KIAA1217: variants seen among roughly 807,000 people sequenced by gnomAD.
KIAA1217 encodes KIAA1217.
A neutral mutation model predicts 163.9 loss-of-function variants in KIAA1217; 88 were observed. The observed-to-expected ratio is 0.54, with a 90% CI of 0.45 to 0.64. The LOEUF is 0.64. Among genes scored for constraint, KIAA1217 ranks in the 30% least tolerant of loss-of-function variants. KIAA1217 has a pLI of 0.00. For synonymous variants in KIAA1217, 903 were observed against 923.1 expected (o/e 0.98, Z 0.39); for missense variants, 2,372 against 2,475.0 (o/e 0.96, Z 0.88).
At chr10:23,856,616 G>C (rs191807923) in intron 1 of KIAA1217, among the ~76,000 whole-genome samples, 16 of 152,256 alleles carry the variant, frequency 1.1e-4, no homozygotes, top group African/African-American at 3.9e-4. Flanking sequence ...CCCAGAGGTG[G>C]AGCCTACAGA....
At chr10:23,870,262 G>C (rs144573762) in intron 1 of KIAA1217, among the ~76,000 whole-genome samples, 12 of 152,190 alleles carry the variant, frequency 7.9e-5, no homozygotes, top group African/African-American at 2.9e-4. Context: ...TATATCCAGA[G>C]GTGGAAATGT....
At chr10:24,275,077 A>G (rs2077136926) in intron 2 of KIAA1217, among the ~76,000 whole-genome samples, 1 of 152,166 alleles carries the variant, frequency 6.6e-6, no homozygotes, top group Non-Finnish European at 1.5e-5. Flanking sequence ...ATCTGGGACT[A>G]CAGGCACACG....
intron 2 of KIAA1217, among the ~76,000 whole-genome samples, chr10:24,121,737 G>A (rs997689172): frequency 6.6e-6 from 1 of 152,124 alleles, no homozygotes; most frequent in Non-Finnish European, 1.5e-5. Flanking sequence ...TGAACAAGTG[G>A]ATAAAGAAAT....
intron 1 of KIAA1217, among the ~76,000 whole-genome samples, chr10:23,745,118 G>A (rs1443447580): frequency 1.3e-5 from 2 of 152,170 alleles, no homozygotes; most frequent in Non-Finnish European, 2.9e-5. Flanking sequence ...AAAGACTGAC[G>A]CAGGAGGGGA....
chr10:24,496,995 G>A (rs533696383), intron 8 of KIAA1217, among the ~76,000 whole-genome samples: 83 of 152,292 alleles, frequency 5.5e-4, no homozygotes, highest in African/African-American at 1.9e-3. Context: ...ATGAGCACGT[G>A]GACTCACTCC....
chr10:24,535,567 C>T (rs912756802), intron 16 of KIAA1217, among the ~76,000 whole-genome samples: 4 of 152,112 alleles, frequency 2.6e-5, no homozygotes, highest in African/African-American at 9.7e-5. Context: ...TTGAGGTCAG[C>T]AGTTTGAGAC....
intron 1 of KIAA1217, among the ~76,000 whole-genome samples, chr10:23,736,943 A>C (rs7898966): frequency 0.22 from 33,215 of 152,128 alleles, 3,868 homozygotes; most frequent in Middle Eastern, 0.29. Flanking sequence ...GCTTGCCAAG[A>C]TCCATAAAAA....
rs187688600 is a variant in KIAA1217, at chr10:23,757,195, T to C, written c.-321+61961T>C. Reference sequence around the variant, plus strand: ...TTCTATGAACATGTCTGTGGAAATATATCTTCGAGATCCCACTTTAAACTC... The same window carrying C: ...TTCTATGAACATGTCTGTGGAAATACATCTTCGAGATCCCACTTTAAACTC... On this transcript the variant is annotated intron_variant, in intron 1 of 18. Transcript: ENST00000376462. 4.0e-3 allele frequency among the ~76,000 whole-genome samples: 605 copies of C among 152,322 alleles called. 3 individuals carry two copies. The highest frequency in any genetic ancestry group is 0.013 in the African/African-American group (557 of 41,568).
chr10:24,430,795 G>A (rs1355943467), intron 3 of KIAA1217, among the ~76,000 whole-genome samples: 1 of 152,206 alleles, frequency 6.6e-6, no homozygotes, highest in Non-Finnish European at 1.5e-5. Flanking sequence ...AGTGATTCGA[G>A]CAATGGGGAG....
intron 1 of KIAA1217, among the ~76,000 whole-genome samples, chr10:23,711,104 C>G (rs2130735115): frequency 6.6e-6 from 1 of 152,288 alleles, no homozygotes; most frequent in South Asian, 2.1e-4. Context: ...GGCACCAGAT[C>G]TTCTGGGCCA....
chr10:24,335,110 A>G (rs2046176681), intron 2 of KIAA1217, among the ~76,000 whole-genome samples: 1 of 152,220 alleles, frequency 6.6e-6, no homozygotes, highest in Non-Finnish European at 1.5e-5. Context: ...TACAACATGG[A>G]GTAATCCTAA....
At chr10:23,940,840 A>G (rs1843737187) in intron 1 of KIAA1217, among the ~76,000 whole-genome samples, 1 of 152,270 alleles carries the variant, frequency 6.6e-6, no homozygotes, top group African/African-American at 2.4e-5. Flanking sequence ...ACTTCTGAAT[A>G]ATCCATCATC....
chr10:24,371,143 A>G (rs1372674662), intron 2 of KIAA1217, among the ~76,000 whole-genome samples: 2 of 152,134 alleles, frequency 1.3e-5, no homozygotes, highest in Admixed American at 6.6e-5. Context: ...GTGGTATTTC[A>G]GTAGAGTTTA....
chr10:24,248,784 G>A (rs1444765513), intron 2 of KIAA1217, among the ~76,000 whole-genome samples: 1 of 148,208 alleles, frequency 6.7e-6, no homozygotes, highest in Non-Finnish European at 1.5e-5. Flanking sequence ...TATTATGTTT[G>A]TAACTGTATA....
intron 2 of KIAA1217, among the ~76,000 whole-genome samples, chr10:24,162,956 A>G (rs999988624): frequency 1.3e-5 from 2 of 152,200 alleles, no homozygotes; most frequent in African/African-American, 4.8e-5. Context: ...GATCCAAGAG[A>G]AAAAGACCAA....
intron 3 of KIAA1217, among the ~76,000 whole-genome samples, chr10:24,421,658 TA>T (rs2058740943): frequency 6.6e-6 from 1 of 152,224 alleles, no homozygotes; most frequent in East Asian, 1.9e-4. Context: ...TTTTAATTTT[TA>T]AATTACTGGT....
intron 12 of KIAA1217, among the ~76,000 whole-genome samples, chr10:24,522,267 T>G (rs1413296642): frequency 6.6e-6 from 1 of 152,046 alleles, no homozygotes; most frequent in Non-Finnish European, 1.5e-5. Flanking sequence ...GAGGCTGCAG[T>G]GAGCTATGAC....
intron 1 of KIAA1217, among the ~76,000 whole-genome samples, chr10:23,729,821 T>G (rs549774827): frequency 6.6e-6 from 1 of 152,302 alleles, no homozygotes; most frequent in South Asian, 2.1e-4. Context: ...CTTTCATGGA[T>G]CATTCCTTTG....
rs1192055724 is a variant in KIAA1217 at position 24,537,313 on chromosome 10, C to T, written c.3534+420C>T. ...AAAATCGGCTGGGTGCAGTGGCTCA[C>T]GCTTGTAATCCCACCACTTTGGGAG... On this transcript the variant is annotated intron_variant, in intron 17 of 20. Coordinates refer to ENST00000376454, the MANE Select transcript of KIAA1217 (RefSeq NM_019590.5). Among the ~76,000 whole-genome samples the T allele has an allele frequency of 9.9e-5, 15 of 152,208 alleles. No homozygotes were observed. The East Asian group carries it at 1.5e-3, about 16-fold the overall frequency.
Sources: gnomAD v4.1 joint callset for allele counts (sites outside exome capture counted in the v4.1 genomes callset) on GRCh38, gnomAD v4.1.1 for gene constraint, MANE v1.5 for transcripts, NCBI Gene and HGNC (gene_info 2026-07-23, HGNC 2026-07-21) for gene names.